DYNC2H1: variants seen among roughly 807,000 people sequenced by gnomAD.
The protein encoded by DYNC2H1 is dynein cytoplasmic 2 heavy chain 1, also known as cytoplasmic dynein 2 heavy chain 1.
Under a neutral mutation model 570.0 loss-of-function variants are expected in DYNC2H1, and 410 were observed. The ratio of observed to expected loss-of-function variants is 0.72; its 90% CI spans 0.66 to 0.78. The LOEUF (loss-of-function observed/expected upper bound fraction) is 0.78, where lower values mean the gene tolerates loss of function less well. Ranked by LOEUF, DYNC2H1 falls within the 30% of genes least tolerant of loss-of-function variation. DYNC2H1 has a pLI of 0.00. For synonymous variants in DYNC2H1, 1,688 were observed against 1,677.6 expected (o/e 1.01, Z -0.15); for missense variants, 4,865 against 5,046.4 (o/e 0.96, Z 1.09).
chr11:103,205,018 T>A lies in DYNC2H1; in HGVS notation c.8454+54T>A. On this transcript the variant is annotated intron_variant, in intron 52 of 88. Transcript: ENST00000375735. This position sits in a 1 kb window ranked among gnomAD's most constrained non-coding sequence, Gnocchi z 4.5. ...AAAGCACATTTTATTTTTGAAGTTA[T>A]TGATTTTCACAACTTCTCTTTGGTG... The A allele has an allele frequency of 4.7e-6, 7 of 1,500,970 alleles. No individual in the cohort carries two copies. Among genetic ancestry groups the A allele is most frequent in the Non-Finnish European group, 6.3e-6 (7 of 1,114,366 alleles). 93.0% of individuals were successfully genotyped at this position (1,500,970 alleles called of 1,614,324 possible). A position where few individuals can be genotyped will look rare whatever the true frequency, so the allele number is the denominator to read the frequency against.
chr11:103,307,927 C>T (rs1027372900), intron 78 of DYNC2H1, 96 bp downstream of exon 78: 5 of 540,814 alleles, frequency 9.2e-6, no homozygotes, highest in Admixed American at 3.7e-5. Flanking sequence ...ACAGAACACA[C>T]AACTTCTTTT....
intron 50 of DYNC2H1, among the ~76,000 whole-genome samples, chr11:103,202,199 T>G (rs1460329823): frequency 6.6e-6 from 1 of 152,098 alleles, no homozygotes; most frequent in East Asian, 1.9e-4. Flanking sequence ...GAGCGTTCCA[T>G]CTTTTGATAT....
chr11:103,421,503 C>T (rs11225787), intron 84 of DYNC2H1, among the ~76,000 whole-genome samples: 8 of 152,048 alleles, frequency 5.3e-5, no homozygotes, highest in Non-Finnish European at 8.8e-5. Context: ...TCATAACAAA[C>T]GGTCTCTTAG....
intron 34 of DYNC2H1, among the ~76,000 whole-genome samples, chr11:103,172,470 T>C (rs1453196992): frequency 6.6e-6 from 1 of 152,128 alleles, no homozygotes; most frequent in East Asian, 1.9e-4. Context: ...TTCTCTTTTC[T>C]TTCCTTTGTA....
At position 103,321,163 on chromosome 11, in the gene DYNC2H1, G is replaced by T. The variant is rs773022746; in HGVS notation, c.11860G>T (p.Asp3954Tyr). The T allele has an allele frequency of 6.2e-7, 1 of 1,611,966 alleles. No homozygotes were observed. Among genetic ancestry groups the T allele is most frequent in the Non-Finnish European group, 8.5e-7 (1 of 1,178,862 alleles). Residue 3954 changes from aspartate to tyrosine, a missense_variant, in exon 81 of 89, where the codon GAT (aspartate) becomes TAT (tyrosine). Physicochemically the swap from Asp to Tyr is radical, Grantham distance 160. This residue lies in a region of DYNC2H1 where 2,401 missense variants were observed against 2,454.6 expected (regional missense o/e 0.98). Transcript: ENST00000375735. ...GCAGTTTTTTAATTCTTCAGTTATT[G>T]ATGTATTCAACCAAAGGAACAAGAA... Reference protein sequence around the residue: ...LKQFFNSSVIDVFNQRNKKSI... With the variant: ...LKQFFNSSVIYVFNQRNKKSI...
chr11:103,133,029 A>G lies in DYNC2H1; in HGVS notation c.1954-526A>G, dbSNP rs1457119918. 6.6e-6 allele frequency among the ~76,000 whole-genome samples: 1 copy of G among 152,192 alleles called. No homozygotes were observed. Among genetic ancestry groups the G allele is most frequent in the Non-Finnish European group, 1.5e-5 (1 of 68,028 alleles). ...TTTGCCAAGTAGGTGATGGAAGATC[A>G]GCTTTTTACTTAGTCCCACTGAAAC... On this transcript the variant is annotated intron_variant, in intron 13 of 88. Coordinates refer to ENST00000375735, the MANE Select transcript of DYNC2H1 (RefSeq NM_001377.3). The surrounding 1 kb of genome is among the most constrained non-coding windows in gnomAD (Gnocchi z 4.8).
chr11:103,299,962 G>A lies in DYNC2H1; in HGVS notation c.11096-3131G>A, dbSNP rs1175116536. Among the ~76,000 whole-genome samples, 1 of 151,996 alleles carries A rather than the reference G, an allele frequency of 6.6e-6. No homozygotes were observed. The highest frequency in any genetic ancestry group is 1.5e-5 in the Non-Finnish European group (1 of 67,968). On this transcript the variant is annotated intron_variant, in intron 75 of 88. Coordinates refer to ENST00000375735, the MANE Select transcript of DYNC2H1 (RefSeq NM_001377.3). The surrounding 1 kb of genome is among the most constrained non-coding windows in gnomAD (Gnocchi z 4.5). Reference sequence around the variant, plus strand: ...GTTCATATATATTGGGTTAGGTAGTGGCTGTTGATTTTCCTCTTTTTATTG... The same window carrying A: ...GTTCATATATATTGGGTTAGGTAGTAGCTGTTGATTTTCCTCTTTTTATTG...
Position 103,241,672 on chromosome 11 carries a change from A to T in DYNC2H1, c.9820-2021A>T. On this transcript the variant is annotated intron_variant, in intron 63 of 88. Coordinates refer to ENST00000375735, the MANE Select transcript of DYNC2H1 (RefSeq NM_001377.3). The surrounding 1 kb of genome is among the most constrained non-coding windows in gnomAD (Gnocchi z 5.1). ...AAAAACCTAGGTGCAGCACCATGGT[A>T]ACACTTCACAGGCTATTTACTAACC... is the stretch of plus-strand genomic sequence containing the variant. 1 of 720,314 alleles carries T rather than the reference A, an allele frequency of 1.4e-6. No individual in the cohort carries two copies. The highest frequency in any genetic ancestry group is 2.3e-6 in the Non-Finnish European group (1 of 435,092). The allele number at this position is 720,314 out of a possible 1,614,324, so 44.6% of individuals were successfully genotyped here.
In DYNC2H1 at chr11:103,152,215, G is replaced by T; in HGVS notation, c.3026G>T (p.Ser1009Ile). 1 of 1,607,130 alleles carries T rather than the reference G, an allele frequency of 6.2e-7. No individual in the cohort carries two copies. Among genetic ancestry groups the T allele is most frequent in the Non-Finnish European group, 8.5e-7 (1 of 1,177,622 alleles). The change falls in exon 21 of 89, where the codon AGT becomes ATT. Residue 1009 changes from serine to isoleucine, a missense_variant. Physicochemically the swap from Ser to Ile is moderately radical, Grantham distance 142 (BLOSUM62 -2). This residue lies in a region of DYNC2H1 where 1,936 missense variants were observed against 1,962.1 expected (regional missense o/e 0.99). Transcript: ENST00000375735. ...TVAGGGLETI[S>I]NLKAKWDKFE... ...GCTGGTGGAGGTTTAGAAACAATTA[G>T]TAATTTGAAAGCCAAGTGGGATAAA...
At chr11:103,344,583 T>C (rs1939642069) in intron 82 of DYNC2H1, among the ~76,000 whole-genome samples, 1 of 152,154 alleles carries the variant, frequency 6.6e-6, no homozygotes, top group Non-Finnish European at 1.5e-5. Flanking sequence ...AGTCTATTAC[T>C]CCCTTCTGGT....
intron 84 of DYNC2H1, among the ~76,000 whole-genome samples, chr11:103,434,901 C>T (rs184303935): frequency 6.6e-6 from 1 of 152,008 alleles, no homozygotes; most frequent in Non-Finnish European, 1.5e-5. Flanking sequence ...GAAATATAAG[C>T]AACCAATTTT....
intron 83 of DYNC2H1, among the ~76,000 whole-genome samples, chr11:103,398,283 T>A (rs1246931846): frequency 2.6e-5 from 4 of 152,168 alleles, no homozygotes; most frequent in Admixed American, 2.6e-4. Flanking sequence ...TAATTCTAAT[T>A]AATTTTTTAT....
rs1863872170 is a variant in DYNC2H1 at position 103,228,225 on chromosome 11, T to G, written c.9354-3035T>G. Among the ~76,000 whole-genome samples the G allele has an allele frequency of 6.6e-6, 1 of 152,152 alleles. No homozygotes were observed. Among genetic ancestry groups the G allele is most frequent in the South Asian group, 2.1e-4 (1 of 4,828 alleles). On this transcript the variant is annotated intron_variant, in intron 59 of 88. Transcript: ENST00000375735. The surrounding 1 kb of genome is among the most constrained non-coding windows in gnomAD (Gnocchi z 6.1). ...ATGGGAGGTTTAGATCCATTGCTGA[T>G]GAGCTGGTATAATATTTTGGGGGTG...
At chr11:103,293,224 C>G (rs1047115703) in intron 75 of DYNC2H1, among the ~76,000 whole-genome samples, 1 of 152,010 alleles carries the variant, frequency 6.6e-6, no homozygotes, top group Non-Finnish European at 1.5e-5. Flanking sequence ...TTGCCTTTAG[C>G]ACTCTGGATA....
chr11:103,199,210 T>C lies in DYNC2H1; in HGVS notation c.7840-18T>C. On this transcript the variant is annotated intron_variant, in intron 48 of 88. Transcript: ENST00000375735. The surrounding 1 kb of genome is among the most constrained non-coding windows in gnomAD (Gnocchi z 4.6). ...TAGGGCTTATATTAATTATAAAATA[T>C]TCTGATTTTTTTAAAAGGGTCTTAT... 1 of 1,447,578 alleles carries C rather than the reference T, an allele frequency of 6.9e-7. No individual in the cohort carries two copies. The allele number at this position is 1,447,578 out of a possible 1,614,324, so 89.7% of individuals were successfully genotyped here.
In DYNC2H1 at chr11:103,257,614, G is replaced by T. The variant is rs1865111123; in HGVS notation, c.10468G>T (p.Asp3490Tyr). The stretch of plus-strand genomic sequence containing the variant: ...CTGATCTCTTGATCCATAGGAACGG[G>T]ATGCCTATCTCCCCCTGGCTGAGAG... ...KLQISLDQER[D>Y]AYLPLAESAS... is the part of the protein sequence containing the mutation. The change falls in exon 69 of 89, where the codon GAT becomes TAT. Residue 3490 changes from aspartate (D) to tyrosine (Y), a missense_variant. Physicochemically the swap from Asp to Tyr is radical, Grantham distance 160. This residue lies in a region of DYNC2H1 where 2,401 missense variants were observed against 2,454.6 expected (regional missense o/e 0.98). Coordinates refer to ENST00000375735, the MANE Select transcript of DYNC2H1 (RefSeq NM_001377.3). 1 of 1,609,622 alleles carries T rather than the reference G, an allele frequency of 6.2e-7. No individual in the cohort carries two copies.
rs1938981550 is a variant in DYNC2H1, at chr11:103,334,063, A to G, written c.12039+10073A>G. On this transcript the variant is annotated intron_variant, in intron 82 of 88. Transcript: ENST00000375735. The surrounding 1 kb of genome is among the most constrained non-coding windows in gnomAD (Gnocchi z 4.3). The stretch of plus-strand genomic sequence containing the variant: ...CTTGCAGCATGTTGCCTGGAAAGAA[A>G]TGGTGTAAAATTTGTTATTTTTGAA... 6.6e-6 allele frequency among the ~76,000 whole-genome samples: 1 copy of G among 152,232 alleles called. No homozygotes were observed. Among genetic ancestry groups the G allele is most frequent in the Admixed American group, 6.5e-5 (1 of 15,284 alleles).
At chr11:103,147,992 T>A (rs1446190576) in intron 19 of DYNC2H1, 105 bp downstream of exon 19, 3 of 775,498 alleles carry the variant, frequency 3.9e-6, no homozygotes, top group African/African-American at 3.6e-5. Context: ...AAACCAAAAC[T>A]GAACTAATTT....
chr11:103,154,736 A>C lies in DYNC2H1; in HGVS notation c.3500A>C (p.His1167Pro), dbSNP rs185613200. Reference protein sequence around the residue: ...YLFEEFLMNWHDRLRKVEEHS... With the variant: ...YLFEEFLMNWPDRLRKVEEHS... ...TTTGAGGAATTTTTGATGAACTGGC[A>C]TGACAGATTAAGGAAGGTTGAAGAA... Residue 1167 changes from histidine to proline, a missense_variant, in exon 24 of 89, where the codon CAT becomes CCT. Transcript: ENST00000375735. 6.4e-7 allele frequency: 1 copy of C among 1,573,532 alleles called. No homozygotes were observed. The highest frequency in any genetic ancestry group is 1.9e-5 in the Admixed American group (1 of 53,694).
Sources: allele counts gnomAD v4.1 joint callset (sites outside exome capture counted in the v4.1 genomes callset), GRCh38; gene constraint gnomAD v4.1.1; regional missense constraint gnomAD v4.1.1; non-coding constraint Gnocchi (gnomAD v3.1); transcripts MANE v1.5; gene names NCBI Gene and HGNC (gene_info 2026-07-23, HGNC 2026-07-21).